HACD3: variants seen among roughly 807,000 people sequenced by gnomAD.
The protein encoded by HACD3 is very-long-chain (3R)-3-hydroxyacyl-CoA dehydratase 3.
In HACD3, 30 loss-of-function variants were observed where a neutral mutation model predicts 55.2. The observed-to-expected ratio is 0.54, with a 90% CI of 0.41 to 0.74. The LOEUF (loss-of-function observed/expected upper bound fraction) is 0.74. HACD3 is among the 30% of genes least tolerant of loss of function. The probability of loss-of-function intolerance (pLI) is 0.00; values close to 1 mark genes in which losing one functional copy is unlikely to be tolerated. For missense variants in HACD3, 363 were observed against 440.1 expected, an observed-to-expected ratio of 0.82 and a Z score of 1.57; for synonymous variants, 141 against 151.7, an observed-to-expected ratio of 0.93 and a Z score of 0.52.
chr15:65,540,851 A>C (rs567036094), intron 1 of HACD3, among the ~76,000 whole-genome samples: 2 of 152,334 alleles, frequency 1.3e-5, no homozygotes, highest in South Asian at 4.1e-4. Context: ...AAAACCATTT[A>C]GGGAGGCTGT....
chr15:65,549,599 C>CAAAAAA (rs5813363), intron 1 of HACD3, among the ~76,000 whole-genome samples: 2 of 42,464 alleles, frequency 4.7e-5, no homozygotes, highest in African/African-American at 1.4e-4. Flanking sequence ...GATTCCATCT[C>CAAAAAA]AAAAAAAAAA....
At chr15:65,537,958 AATAT>A (rs755882094) in intron 1 of HACD3, among the ~76,000 whole-genome samples, 44 of 11,136 alleles carry the variant, frequency 4.0e-3, no homozygotes, top group African/African-American at 0.015. Context: ...AAAAAAAAAA[AATAT>A]ATATATATAT....
At position 65,570,069 on chromosome 15, in the gene HACD3, CTCTT is replaced by C; in HGVS notation, c.661-20_661-17del. On this transcript the variant is annotated intron_variant, in intron 7 of 10. Transcript: ENST00000261875. ...ACATATATTTTATTAACTTTTTTCT[CTCTT>C]TTGGGTCTTTCTAATAGCTTCTTGG... 6.8e-7 allele frequency: 1 copy of C among 1,460,644 alleles called. No individual in the cohort carries two copies. Among genetic ancestry groups the C allele is most frequent in the South Asian group, 1.2e-5 (1 of 80,444 alleles). 90.5% of individuals were successfully genotyped at this position (1,460,644 alleles called of 1,614,324 possible).
intron 1 of HACD3, among the ~76,000 whole-genome samples, chr15:65,547,916 T>A (rs2072093041): frequency 6.6e-6 from 1 of 152,148 alleles, no homozygotes; most frequent in Admixed American, 6.5e-5. Flanking sequence ...AGAGGGGCAG[T>A]TAAATGATCA....
chr15:65,562,771 C>T lies in HACD3; in HGVS notation c.422-3C>T, dbSNP rs758884309. 94 of 1,613,216 alleles carry T rather than the reference C, an allele frequency of 5.8e-5. 1 individual carries two copies. The Admixed American group carries it at 1.5e-3, about 25-fold the overall frequency. On this transcript the variant is annotated splice_region_variant and splice_polypyrimidine_tract_variant and intron_variant, in intron 5 of 10. Transcript: ENST00000261875. ...TAGCTTACTGCTTTGCTTTGCTTTA[C>T]AGCTCTTACAAACTTAAGGAAAGGA...
chr15:65,537,951 AAAAAAAAATATATATATATATATAT>A (rs1178765719), intron 1 of HACD3, among the ~76,000 whole-genome samples: 4,065 of 19,542 alleles, frequency 0.21, 254 homozygotes, highest in Non-Finnish European at 0.27. Context: ...AAAAAAAAAA[AAAAAAAAATATATATATATATATAT>A]ATATATATAT....
At chr15:65,551,999 A>G (rs527902599) in intron 2 of HACD3, 1 of 335,710 alleles carries the variant, frequency 3.0e-6, no homozygotes, top group Non-Finnish European at 5.5e-6. Flanking sequence ...TTCTAGCTCT[A>G]ATTCTGCCGC....
Position 65,576,687 on chromosome 15 carries a change from C to T in HACD3, c.*308C>T. 3.2e-6 allele frequency: 1 copy of T among 308,760 alleles called. No individual in the cohort carries two copies. The highest frequency in any genetic ancestry group is 9.7e-4 in the Middle Eastern group (1 of 1,032). 19.1% of individuals were successfully genotyped at this position (308,760 alleles called of 1,614,324 possible). ...TAATACATGCCAGAGATTTTTTTTT[C>T]AAAAAGTGCTTTATCCCTACAATGT... On this transcript the variant is annotated 3_prime_UTR_variant, in exon 11 of 11. Coordinates refer to ENST00000261875, the MANE Select transcript of HACD3 (RefSeq NM_016395.4).
intron 1 of HACD3, among the ~76,000 whole-genome samples, chr15:65,532,375 CA>C (rs750248406): frequency 6.6e-6 from 1 of 152,114 alleles, no homozygotes; most frequent in Non-Finnish European, 1.5e-5. Context: ...CCTGTAATGC[CA>C]ACACTTTGGG....
intron 5 of HACD3, among the ~76,000 whole-genome samples, chr15:65,560,235 T>C (rs2072231346): frequency 6.6e-6 from 1 of 152,156 alleles, no homozygotes; most frequent in Non-Finnish European, 1.5e-5. Flanking sequence ...CAACCAGATG[T>C]CTTTGCAGAA....
chr15:65,569,189 A>G (rs2072323844), intron 7 of HACD3, among the ~76,000 whole-genome samples: 1 of 150,098 alleles, frequency 6.7e-6, no homozygotes, highest in African/African-American at 2.5e-5. Context: ...CGGAGCTTGC[A>G]GTGAGCCAAG....
chr15:65,563,223 G>C (rs1035210965), intron 6 of HACD3, among the ~76,000 whole-genome samples: 1 of 152,098 alleles, frequency 6.6e-6, no homozygotes, highest in Non-Finnish European at 1.5e-5. Flanking sequence ...CAGTGCCAAA[G>C]TTATGCAAGG....
intron 1 of HACD3, among the ~76,000 whole-genome samples, chr15:65,534,165 G>C (rs867542350): frequency 6.6e-6 from 1 of 152,196 alleles, no homozygotes; most frequent in South Asian, 2.1e-4. Context: ...CATTAAGCTA[G>C]GTGTGGGGTT....
At chr15:65,546,386 T>C (rs973643129) in intron 1 of HACD3, among the ~76,000 whole-genome samples, 4 of 152,174 alleles carry the variant, frequency 2.6e-5, no homozygotes, top group African/African-American at 9.6e-5. Context: ...TAATATAATT[T>C]CTTAGGAGAG....
chr15:65,572,203 T>C (rs528312259), intron 9 of HACD3, 32 bp from the exon 10 acceptor site: 1 of 1,607,166 alleles, frequency 6.2e-7, no homozygotes, highest in African/African-American at 1.3e-5. Flanking sequence ...CTGTTTCATT[T>C]GCTTCTAACA....
intron 1 of HACD3, among the ~76,000 whole-genome samples, chr15:65,545,883 G>T (rs1441231469): frequency 6.6e-6 from 1 of 152,210 alleles, no homozygotes; most frequent in African/African-American, 2.4e-5. Context: ...TGAATAGAAT[G>T]CTGGAGAATG....
chr15:65,533,750 A>AG (rs1166446383), intron 1 of HACD3, among the ~76,000 whole-genome samples: 1 of 150,874 alleles, frequency 6.6e-6, no homozygotes, highest in Non-Finnish European at 1.5e-5. Flanking sequence ...TATTTAAAAA[A>AG]AAAAAAAAGA....
At chr15:65,535,560 G>C (rs1167684874) in intron 1 of HACD3, among the ~76,000 whole-genome samples, 1 of 152,152 alleles carries the variant, frequency 6.6e-6, no homozygotes, top group Non-Finnish European at 1.5e-5. Context: ...AACAAAGTCT[G>C]TTGGCGTCAT....
At chr15:65,548,516 A>C (rs917887459) in intron 1 of HACD3, among the ~76,000 whole-genome samples, 6 of 151,038 alleles carry the variant, frequency 4.0e-5, no homozygotes, top group African/African-American at 1.5e-4. Flanking sequence ...CTGTCTCAAA[A>C]AAAAAAAAAA....
Sources: allele counts gnomAD v4.1 joint callset (sites outside exome capture counted in the v4.1 genomes callset), GRCh38; gene constraint gnomAD v4.1.1; transcripts MANE v1.5; gene names NCBI Gene and HGNC (gene_info 2026-07-23, HGNC 2026-07-21).